Variants in PTPRK observed in about 807,000 individuals in gnomAD.
The protein encoded by PTPRK is protein tyrosine phosphatase receptor type K.
PTPRK carries 75 observed loss-of-function variants against 178.0 expected under a neutral mutation model. The observed-to-expected ratio is 0.42, with a 90% CI of 0.35 to 0.51. PTPRK has a LOEUF of 0.51. PTPRK is among the 20% of genes least tolerant of loss of function. The pLI is 0.02. For synonymous variants in PTPRK, 637 were observed against 620.6 expected, an observed-to-expected ratio of 1.03 and a Z score of -0.39; for missense variants, 1,441 against 1,797.8, an observed-to-expected ratio of 0.80 and a Z score of 3.59.
At chr6:128,496,031 C>T (rs930392293) in intron 1 of PTPRK, among the ~76,000 whole-genome samples, 2 of 152,138 alleles carry the variant, frequency 1.3e-5, no homozygotes, top group Non-Finnish European at 2.9e-5. Context: ...TTTTTCTGGA[C>T]TTTCCAAACT....
intron 2 of PTPRK, among the ~76,000 whole-genome samples, chr6:128,328,719 A>G (rs75854920): frequency 0.11 from 16,835 of 152,152 alleles, 1,134 homozygotes; most frequent in East Asian, 0.33. Flanking sequence ...AGTTATATCA[A>G]TATTGACCAT....
chr6:128,209,095 A>G lies in PTPRK; in HGVS notation c.868+9827T>C, dbSNP rs538307409. Among the ~76,000 whole-genome samples, 18 of 151,788 alleles carry G rather than the reference A, an allele frequency of 1.2e-4. 1 individual carries two copies. In the South Asian group the frequency reaches 3.5e-3, roughly 30 times the overall value. ...TACCATAACCACCCCCCCCAGGAACACTTATCACTTATCATCTCAAGTTTT... is the reference window on the plus strand; with the variant it reads ...TACCATAACCACCCCCCCCAGGAACGCTTATCACTTATCATCTCAAGTTTT... On this transcript the variant is annotated intron_variant, in intron 6 of 29. Coordinates refer to ENST00000368226, the MANE Select transcript of PTPRK (RefSeq NM_002844.4).
rs71543137 is a variant in PTPRK at position 128,468,431 on chromosome 6, G to GACAATACAAT, written c.100+51818_100+51827dup. 7.4e-3 allele frequency among the ~76,000 whole-genome samples: 1,127 copies of GACAATACAAT among 151,794 alleles called. 7 individuals are homozygous for GACAATACAAT. Among genetic ancestry groups the GACAATACAAT allele is most frequent in the African/African-American group, 0.022 (907 of 41,284 alleles). On this transcript the variant is annotated intron_variant, in intron 1 of 29. Coordinates refer to ENST00000368226, the MANE Select transcript of PTPRK (RefSeq NM_002844.4). The stretch of plus-strand genomic sequence containing the variant: ...TATTAGGGCCTTCATTTAAGAGCCT[G>GACAATACAAT]ACAATACAATACAATACAATACAAT...
At chr6:127,976,568 G>T in intron 27 of PTPRK, 89 bp downstream of exon 27, 1 of 1,463,268 alleles carries the variant, frequency 6.8e-7, no homozygotes, top group South Asian at 1.2e-5. Context: ...ATTAATTGTA[G>T]TCTCCCTGTT....
At chr6:127,977,079 G>A (rs1174688136) in intron 25 of PTPRK, 25 bp from the exon 26 acceptor site, 1 of 1,610,306 alleles carries the variant, frequency 6.2e-7, no homozygotes, top group Non-Finnish European at 8.5e-7. Context: ...GGTAGATGGA[G>A]AAATATAAAA....
chr6:128,184,456 G>T lies in PTPRK; in HGVS notation c.1138C>A (p.Leu380Ile). ...CCTGCACATTTTGTTCTGGTGATTA[G>T]TGGAGGTCCTGGGAGCCCCGTTCCA... is the stretch of plus-strand genomic sequence containing the variant. Reference protein sequence around the residue: ...EGGTGLPGPPLITRTKCAEPM... With the variant: ...EGGTGLPGPPIITRTKCAEPM... Residue 380 changes from leucine (L) to isoleucine (I), a missense_variant, in exon 7 of 30, where the codon CTA becomes ATA. Physicochemically the swap from Leu to Ile is conservative, Grantham distance 5. Around this residue, in one of 4 missense-constraint regions of PTPRK, gnomAD observed 945 missense variants for 1,080.6 expected, o/e 0.87. Coordinates refer to ENST00000368226, the MANE Select transcript of PTPRK (RefSeq NM_002844.4). 6.2e-7 allele frequency: 1 copy of T among 1,613,590 alleles called. No homozygotes were observed. The highest frequency in any genetic ancestry group is 1.1e-5 in the South Asian group (1 of 91,068).
At chr6:128,361,332 A>C (rs973569371) in intron 2 of PTPRK, among the ~76,000 whole-genome samples, 3 of 152,330 alleles carry the variant, frequency 2.0e-5, no homozygotes, top group African/African-American at 7.2e-5. Flanking sequence ...CTATATTTAA[A>C]AAACAAACAG....
chr6:128,263,782 TG>T (rs1818529436), intron 3 of PTPRK, among the ~76,000 whole-genome samples: 1 of 152,118 alleles, frequency 6.6e-6, no homozygotes, highest in South Asian at 2.1e-4. Flanking sequence ...GATAAGTGTA[TG>T]GGAGTTTTTC....
chr6:128,463,680 T>C (rs1395211492), intron 1 of PTPRK, among the ~76,000 whole-genome samples: 1 of 151,692 alleles, frequency 6.6e-6, no homozygotes, highest in African/African-American at 2.4e-5. Flanking sequence ...AGTATTTTAT[T>C]CAAATTTTAT....
chr6:127,976,822 T>C, intron 26 of PTPRK, 40 bp from the exon 27 acceptor site: 1 of 1,610,852 alleles, frequency 6.2e-7, no homozygotes, highest in Non-Finnish European at 8.5e-7. Flanking sequence ...AAAAAGAGTA[T>C]TATTTTTTCT....
chr6:128,309,878 A>C (rs1032321336), intron 3 of PTPRK, among the ~76,000 whole-genome samples: 13 of 150,938 alleles, frequency 8.6e-5, no homozygotes, highest in African/African-American at 3.2e-4. Flanking sequence ...ATCACAAAAA[A>C]TGGTTTAAGT....
chr6:128,037,874 A>G (rs955601881), intron 13 of PTPRK, among the ~76,000 whole-genome samples: 5 of 152,214 alleles, frequency 3.3e-5, no homozygotes, highest in South Asian at 2.1e-4. Flanking sequence ...ACAGCTGTAC[A>G]TATCATGGTG....
intron 5 of PTPRK, chr6:128,237,911 T>C: frequency 6.0e-6 from 2 of 333,470 alleles, no homozygotes; most frequent in Non-Finnish European, 5.7e-6. Flanking sequence ...TAGATAATGA[T>C]CAATCTTATC....
intron 1 of PTPRK, among the ~76,000 whole-genome samples, chr6:128,430,092 C>T (rs1422953916): frequency 6.6e-6 from 1 of 150,538 alleles, no homozygotes; most frequent in Non-Finnish European, 1.5e-5. Flanking sequence ...TATGTTTATA[C>T]AATATGAGGA....
intron 2 of PTPRK, among the ~76,000 whole-genome samples, chr6:128,322,877 C>A (rs1211798700): frequency 1.3e-5 from 2 of 151,934 alleles, no homozygotes; most frequent in East Asian, 3.9e-4. Flanking sequence ...TAACTTTGAA[C>A]CTCAGTTCAG....
chr6:128,438,168 A>C (rs1845842949), intron 1 of PTPRK, among the ~76,000 whole-genome samples: 1 of 152,238 alleles, frequency 6.6e-6, no homozygotes, highest in Non-Finnish European at 1.5e-5. Context: ...TCGCTCAGTC[A>C]AACCACCTAA....
At chr6:128,127,390 C>T (rs1019835735) in intron 7 of PTPRK, among the ~76,000 whole-genome samples, 1 of 152,170 alleles carries the variant, frequency 6.6e-6, no homozygotes. Context: ...GAAGAACTGA[C>T]ATCTTAACAA....
intron 1 of PTPRK, among the ~76,000 whole-genome samples, chr6:128,439,580 A>T (rs978927267): frequency 2.0e-5 from 3 of 152,224 alleles, no homozygotes; most frequent in African/African-American, 7.2e-5. Flanking sequence ...GTAAAGAGAA[A>T]GTATCACAAA....
chr6:128,239,914 T>C, intron 5 of PTPRK, 121 bp downstream of exon 5: 1 of 636,596 alleles, frequency 1.6e-6, no homozygotes, highest in East Asian at 3.0e-5. Flanking sequence ...CCTGTCCCAC[T>C]ACATGCGTGT....
Sources: gnomAD v4.1 joint callset for allele counts (sites outside exome capture counted in the v4.1 genomes callset) on GRCh38, gnomAD v4.1.1 for gene constraint, gnomAD v4.1.1 regional missense constraint, MANE v1.5 for transcripts, NCBI Gene and HGNC (gene_info 2026-07-23, HGNC 2026-07-21) for gene names.